SERPINA9: variants seen among roughly 807,000 people sequenced by gnomAD.
SERPINA9 encodes serpin A9.
In SERPINA9, 32 loss-of-function variants were observed where a neutral mutation model predicts 24.5. The ratio of observed to expected loss-of-function variants is 1.30; its 90% CI spans 0.98 to 1.75. The LOEUF is 1.75. Ranked by LOEUF, SERPINA9 falls within the 40% of genes most tolerant of loss-of-function variation. The probability of loss-of-function intolerance (pLI) is 0.00; values close to 1 mark genes in which losing one functional copy is unlikely to be tolerated. For missense variants in SERPINA9, 594 were observed against 497.1 expected (o/e 1.19, Z -1.85); for synonymous variants, 233 against 197.7 (o/e 1.18, Z -1.50).
At chr14:94,467,637 C>G (rs1245198592) in intron 2 of SERPINA9, among the ~76,000 whole-genome samples, 1 of 152,186 alleles carries the variant, frequency 6.6e-6, no homozygotes, top group Non-Finnish European at 1.5e-5. Context: ...ACAACATAAA[C>G]TGAAGGTAAC....
Position 94,464,270 on chromosome 14 carries a change from C to CCTCTCT in SERPINA9, c.1050+431_1050+436dup, listed in dbSNP as rs71129684. 2.9e-3 allele frequency: 159 copies of CCTCTCT among 54,392 alleles called. 1 individual carries two copies. Among genetic ancestry groups the CCTCTCT allele is most frequent in the Non-Finnish European group, 4.5e-3 (113 of 24,994 alleles). 3.4% of individuals were successfully genotyped at this position (54,392 alleles called of 1,614,324 possible). A position where few individuals can be genotyped will look rare whatever the true frequency, so the allele number is the denominator to read the frequency against. On this transcript the variant is annotated intron_variant, in intron 4 of 4. Coordinates refer to ENST00000674397, the MANE Select transcript of SERPINA9 (RefSeq NM_175739.4). ...ATCTAATATACTATGCTTTAAAACT[C>CCTCTCT]CTCTCTCTCTCTCTCTCTCTCTCTC...
chr14:94,476,018 C>G (rs1899630034), intron 1 of SERPINA9, 118 bp downstream of exon 1: 1 of 1,490,274 alleles, frequency 6.7e-7, no homozygotes. Context: ...TGTCTAGGTT[C>G]TCATCTTATT....
intron 1 of SERPINA9, among the ~76,000 whole-genome samples, chr14:94,470,828 C>T (rs1438351559): frequency 6.6e-6 from 1 of 152,208 alleles, no homozygotes; most frequent in African/African-American, 2.4e-5. Flanking sequence ...GCCCTGCCTA[C>T]AGCACCCTCA....
At chr14:94,474,701 C>T (rs76733325) in intron 1 of SERPINA9, among the ~76,000 whole-genome samples, 2,785 of 152,162 alleles carry the variant, frequency 0.018, 81 homozygotes, top group African/African-American at 0.064. Flanking sequence ...TGTGAGCGTT[C>T]GGCCAGGGGG....
At chr14:94,463,379 C>A in intron 4 of SERPINA9, 83 bp from the exon 5 acceptor site, 1 of 1,242,046 alleles carries the variant, frequency 8.1e-7, no homozygotes, top group South Asian at 1.3e-5. Context: ...TGCTTTTGCC[C>A]TGGAATGGTG....
At chr14:94,464,303 CT>C (rs1566789699) in intron 4 of SERPINA9, 4,294 of 192,470 alleles carry the variant, frequency 0.022, 165 homozygotes, top group Middle Eastern at 0.057. Context: ...CTCTCTCTCT[CT>C]CTCTCTCTCT....
chr14:94,471,530 T>C (rs932110412), intron 1 of SERPINA9, among the ~76,000 whole-genome samples: 1 of 152,238 alleles, frequency 6.6e-6, no homozygotes, highest in Admixed American at 6.5e-5. Context: ...TTTTACTGAA[T>C]GAGTAATTCT....
At chr14:94,468,771 C>T (rs8022629) in intron 2 of SERPINA9, among the ~76,000 whole-genome samples, 28,736 of 152,124 alleles carry the variant, frequency 0.19, 7,040 homozygotes, top group African/African-American at 0.56. Flanking sequence ...GAATGACAGG[C>T]ACATCAGCTT....
At chr14:94,473,263 C>T (rs1242872409) in intron 1 of SERPINA9, among the ~76,000 whole-genome samples, 1 of 152,152 alleles carries the variant, frequency 6.6e-6, no homozygotes, top group Admixed American at 6.5e-5. Context: ...CGGTGGCTCA[C>T]GCCTGTAATC....
chr14:94,470,335 G>C (rs1899251395), intron 1 of SERPINA9: 1 of 416,486 alleles, frequency 2.4e-6, no homozygotes, highest in Admixed American at 6.4e-5. Flanking sequence ...CCCAGACACA[G>C]GCATTTTACT....
chr14:94,467,627 A>C (rs1219071556), intron 2 of SERPINA9, among the ~76,000 whole-genome samples: 1 of 152,226 alleles, frequency 6.6e-6, no homozygotes, highest in African/African-American at 2.4e-5. Context: ...GTTAAATAGA[A>C]CAACATAAAC....
intron 1 of SERPINA9, among the ~76,000 whole-genome samples, chr14:94,473,996 A>G (rs1341212250): frequency 1.3e-5 from 2 of 152,248 alleles, no homozygotes; most frequent in African/African-American, 4.8e-5. Flanking sequence ...CCAAAGCTGC[A>G]TCTCTCTTGT....
Position 94,469,770 on chromosome 14 carries a change from G to A in SERPINA9, c.71C>T (p.Ala24Val), listed in dbSNP as rs4905204. The change falls in exon 2 of 5, where the codon GCC becomes GTC. Residue 24 changes from alanine to valine, a missense_variant. Transcript: ENST00000674397. Reference sequence around the variant, plus strand: ...GCGGGGGTATGCACTGGGGGCATTGGCCGGGGACACACAGTAGATTGGAGC... The same window carrying A: ...GCGGGGGTATGCACTGGGGGCATTGACCGGGGACACACAGTAGATTGGAGC... Reference protein sequence around the residue: ...LCAPIYCVSPANAPSAYPRPS... With the variant: ...LCAPIYCVSPVNAPSAYPRPS... 0.062 allele frequency: 96,723 copies of A among 1,552,874 alleles called. 3,250 individuals carry two copies. Among genetic ancestry groups the A allele is most frequent in the South Asian group, 0.091 (7,414 of 81,290 alleles).
rs552153448 is a variant in SERPINA9, at chr14:94,473,657, C to T, written c.-18+2479G>A. Among the ~76,000 whole-genome samples, 11 of 152,138 alleles carry T rather than the reference C, an allele frequency of 7.2e-5. 1 individual carries two copies. The Middle Eastern group carries it at 0.014, about 188-fold the overall frequency. On this transcript the variant is annotated intron_variant, in intron 1 of 4. Coordinates refer to ENST00000674397, the MANE Select transcript of SERPINA9 (RefSeq NM_175739.4). ...TGTGACAGACTGGGGCTCTTCAGGA[C>T]GCCGTGTAAGAGTGTGGCATCTGCA...
chr14:94,464,704 C>T lies in SERPINA9; in HGVS notation c.1050+3G>A, dbSNP rs1349878912. 1 of 1,608,972 alleles carries T rather than the reference C, an allele frequency of 6.2e-7. No individual in the cohort carries two copies. Among genetic ancestry groups the T allele is most frequent in the East Asian group, 2.2e-5 (1 of 44,798 alleles). On this transcript the variant is annotated splice_donor_region_variant and intron_variant, in intron 4 of 4. Coordinates refer to ENST00000674397, the MANE Select transcript of SERPINA9 (RefSeq NM_175739.4). ...TTTTTGCAAATATTTTCATTCAACT[C>T]ACTTTAGAAACCTGCAGGGAGTCTC...
chr14:94,467,506 G>C (rs575551869), intron 2 of SERPINA9, 124 bp from the exon 3 acceptor site: 1 of 851,600 alleles, frequency 1.2e-6, no homozygotes, highest in East Asian at 2.5e-5. Context: ...ACAAAAAAAT[G>C]CTCTGATATT....
rs760298714 is a variant in SERPINA9 at position 94,469,198 on chromosome 14, T to C, written c.628+15A>G. The C allele has an allele frequency of 1.3e-6, 2 of 1,584,120 alleles. No individual in the cohort carries two copies. The highest frequency in any genetic ancestry group is 3.7e-5 in the Admixed American group (2 of 53,364). On this transcript the variant is annotated intron_variant, in intron 2 of 4. Transcript: ENST00000674397. ...ATAAAATAAATAAATAAAAATCAACTTCTCAAATCCTTACCTTTAAAGAAA... is the reference window on the plus strand; with the variant it reads ...ATAAAATAAATAAATAAAAATCAACCTCTCAAATCCTTACCTTTAAAGAAA...
chr14:94,471,812 A>G (rs912027674), intron 1 of SERPINA9, among the ~76,000 whole-genome samples: 3 of 151,304 alleles, frequency 2.0e-5, no homozygotes, highest in Non-Finnish European at 2.9e-5. Context: ...GCCACTCTGC[A>G]CTCTTCGGCC....
chr14:94,474,263 G>A (rs886743964), intron 1 of SERPINA9, among the ~76,000 whole-genome samples: 2 of 152,162 alleles, frequency 1.3e-5, no homozygotes, highest in African/African-American at 4.8e-5. Flanking sequence ...TAAAGAATCC[G>A]CATTCCCATC....
Sources: allele counts gnomAD v4.1 joint callset (sites outside exome capture counted in the v4.1 genomes callset), GRCh38; gene constraint gnomAD v4.1.1; transcripts MANE v1.5; gene names NCBI Gene and HGNC (gene_info 2026-07-23, HGNC 2026-07-21).